C2orf66: variants seen among roughly 807,000 people sequenced by gnomAD.
C2orf66 encodes chromosome 2 open reading frame 66.
In C2orf66, 6 loss-of-function variants were observed where a neutral mutation model predicts 7.0. That is an observed-to-expected ratio of 0.86 (90% CI 0.47 to 1.69). The LOEUF is 1.69. Among genes scored for constraint, C2orf66 ranks in the 40% most tolerant of loss-of-function variants. C2orf66 has a pLI of 0.01. For missense variants in C2orf66, 107 were observed against 112.0 expected, an observed-to-expected ratio of 0.96 and a Z score of 0.20; for synonymous variants, 38 against 43.8, an observed-to-expected ratio of 0.87 and a Z score of 0.52.
the C2orf66 span, among the ~76,000 whole-genome samples, chr2:196,818,497 G>C: frequency 6.6e-6 from 1 of 152,150 alleles, no homozygotes; most frequent in Non-Finnish European, 1.5e-5. Context: ...CCACAATTTG[G>C]GCTAGTAAGA....
upstream of C2orf66, chr2:196,809,480 T>G: frequency 8.4e-7 from 1 of 1,186,024 alleles, no homozygotes; most frequent in Non-Finnish European, 1.2e-6. Flanking sequence ...TATCTAAGTT[T>G]TACAGCCATC....
chr2:196,808,887 C>G (rs1470421552), intron 1 of C2orf66, among the ~76,000 whole-genome samples: 1 of 152,148 alleles, frequency 6.6e-6, no homozygotes, highest in Non-Finnish European at 1.5e-5. Flanking sequence ...CCCTGTTACA[C>G]TCTTTATTTT....
At chr2:196,821,704 T>A in the C2orf66 span, among the ~76,000 whole-genome samples, 1 of 152,186 alleles carries the variant, frequency 6.6e-6, no homozygotes, top group Non-Finnish European at 1.5e-5. Flanking sequence ...CATTTTAGCC[T>A]ATTAATAAAG....
At chr2:196,821,668 G>T in the C2orf66 span, among the ~76,000 whole-genome samples, 1 of 152,108 alleles carries the variant, frequency 6.6e-6, no homozygotes, top group African/African-American at 2.4e-5. Context: ...CCCTTTCCAT[G>T]AGTCACATAA....
chr2:196,814,463 C>G, the C2orf66 span, among the ~76,000 whole-genome samples: 1 of 152,000 alleles, frequency 6.6e-6, no homozygotes, highest in South Asian at 2.1e-4. Context: ...AGGAGAAATA[C>G]CTAATGTAGA....
intron 2 of C2orf66, among the ~76,000 whole-genome samples, chr2:196,806,955 C>T (rs1267260290): frequency 1.3e-5 from 2 of 152,000 alleles, no homozygotes; most frequent in African/African-American, 2.4e-5. Flanking sequence ...CCTTTTCTTC[C>T]TATAGGTGAG....
the C2orf66 span, among the ~76,000 whole-genome samples, chr2:196,824,057 A>C: frequency 6.6e-6 from 1 of 152,118 alleles, no homozygotes. Flanking sequence ...ATTTTTTTTC[A>C]AGTTAAGAGT....
chr2:196,823,478 G>T, the C2orf66 span, among the ~76,000 whole-genome samples: 1 of 151,886 alleles, frequency 6.6e-6, no homozygotes, highest in Admixed American at 6.6e-5. Context: ...AGAAAAATTA[G>T]CCAGGTGTGG....
chr2:196,826,379 T>C, the C2orf66 span, among the ~76,000 whole-genome samples: 1 of 152,204 alleles, frequency 6.6e-6, no homozygotes, highest in African/African-American at 2.4e-5. Flanking sequence ...AGTATGTTTA[T>C]GGGGGAACAT....
At chr2:196,828,170 C>G in the C2orf66 span, among the ~76,000 whole-genome samples, 1 of 148,622 alleles carries the variant, frequency 6.7e-6, no homozygotes, top group East Asian at 2.1e-4. Flanking sequence ...TCTGACTGTT[C>G]AAAACAAGCA....
upstream of C2orf66, among the ~76,000 whole-genome samples, chr2:196,810,672 C>T (rs999770129): frequency 3.9e-5 from 6 of 152,174 alleles, no homozygotes; most frequent in African/African-American, 1.4e-4. Flanking sequence ...GTGATCTCGA[C>T]TGGAAATTAG....
At chr2:196,825,348 A>G in the C2orf66 span, among the ~76,000 whole-genome samples, 1 of 152,210 alleles carries the variant, frequency 6.6e-6, no homozygotes, top group Non-Finnish European at 1.5e-5. Context: ...ATGCAAATCA[A>G]AACCACAATG....
At chr2:196,809,127 T>C in intron 1 of C2orf66, 87 bp downstream of exon 1, 2 of 1,364,492 alleles carry the variant, frequency 1.5e-6, no homozygotes, top group South Asian at 3.3e-5. Context: ...CCCTTTCCAC[T>C]ACGTTCTGGA....
At chr2:196,805,617 C>CTTTTATGA (rs1161386881) in intron 2 of C2orf66, among the ~76,000 whole-genome samples, 1 of 151,632 alleles carries the variant, frequency 6.6e-6, no homozygotes, top group Non-Finnish European at 1.5e-5. Flanking sequence ...AATTCCTGTT[C>CTTTTATGA]TTTTATGATA....
upstream of C2orf66, among the ~76,000 whole-genome samples, chr2:196,813,339 A>G (rs555515818): frequency 6.6e-6 from 1 of 152,218 alleles, no homozygotes; most frequent in African/African-American, 2.4e-5. Context: ...AGGATCCCCT[A>G]TTTAATAAAC....
At position 196,804,938 on chromosome 2, in the gene C2orf66, T is replaced by C. The variant is rs139728087; in HGVS notation, c.*490A>G. On this transcript the variant is annotated 3_prime_UTR_variant, in exon 3 of 3. Transcript: ENST00000342506. ...AACTGTGAAGTATTTTGGTAGTGTA[T>C]GCTGAACATGGGAATGCATCTTCTT... 494 of 152,318 alleles carry C rather than the reference T, an allele frequency of 3.2e-3. 3 individuals carry two copies. Among genetic ancestry groups the C allele is most frequent in the African/African-American group, 0.011 (450 of 41,576 alleles). 9.4% of individuals were successfully genotyped at this position (152,318 alleles called of 1,614,324 possible).
the C2orf66 span, among the ~76,000 whole-genome samples, chr2:196,822,520 G>A: frequency 6.6e-6 from 1 of 152,088 alleles, no homozygotes. Flanking sequence ...ACTGCAATTT[G>A]GTTCCACCAC....
chr2:196,816,188 C>T, the C2orf66 span, among the ~76,000 whole-genome samples: 9 of 152,182 alleles, frequency 5.9e-5, no homozygotes, highest in Non-Finnish European at 1.2e-4. Flanking sequence ...TAGGGGCTCA[C>T]CCCTCATATT....
At chr2:196,817,274 G>A in the C2orf66 span, among the ~76,000 whole-genome samples, 7 of 123,022 alleles carry the variant, frequency 5.7e-5, no homozygotes, top group African/African-American at 1.6e-4. Flanking sequence ...TTGTTCTTTC[G>A]CCCAGGCTGG....
Sources: allele counts gnomAD v4.1 joint callset (sites outside exome capture counted in the v4.1 genomes callset), GRCh38; gene constraint gnomAD v4.1.1; transcripts MANE v1.5; gene names NCBI Gene and HGNC (gene_info 2026-07-23, HGNC 2026-07-21).